CIMIP6: variants seen among roughly 807,000 people sequenced by gnomAD.
The protein encoded by CIMIP6 is ciliary microtubule inner protein 6, also known as uncharacterized protein C2orf73.
chr2:54,347,684 C>A, the CIMIP6 span, among the ~76,000 whole-genome samples: 2 of 151,962 alleles, frequency 1.3e-5, no homozygotes, highest in Admixed American at 1.3e-4. Flanking sequence ...CTTAATTTGC[C>A]CAGAGAGAAA....
the CIMIP6 span, among the ~76,000 whole-genome samples, chr2:54,378,345 G>A: frequency 9.3e-4 from 141 of 152,256 alleles, 1 homozygote; most frequent in African/African-American, 3.2e-3. Flanking sequence ...TGCAGCCTCC[G>A]GAGCTTATCC....
At chr2:54,372,334 C>T in the CIMIP6 span, among the ~76,000 whole-genome samples, 1 of 152,130 alleles carries the variant, frequency 6.6e-6, no homozygotes, top group Non-Finnish European at 1.5e-5. Flanking sequence ...CATCTTCAGT[C>T]GGTTGCTGGC....
the CIMIP6 span, among the ~76,000 whole-genome samples, chr2:54,331,478 C>A: frequency 6.6e-6 from 1 of 152,084 alleles, no homozygotes; most frequent in Non-Finnish European, 1.5e-5. Flanking sequence ...TCGCCGTTCT[C>A]CATCCGACAT....
chr2:54,363,928 G>A, the CIMIP6 span, among the ~76,000 whole-genome samples: 2 of 152,226 alleles, frequency 1.3e-5, no homozygotes, highest in African/African-American at 2.4e-5. Flanking sequence ...TAATTTAGAG[G>A]AGAATGGTCT....
the CIMIP6 span, among the ~76,000 whole-genome samples, chr2:54,344,483 A>G: frequency 2.0e-5 from 3 of 152,194 alleles, no homozygotes; most frequent in African/African-American, 4.8e-5. Flanking sequence ...AGAAGAGACA[A>G]TCTGCCTGGC....
the CIMIP6 span, among the ~76,000 whole-genome samples, chr2:54,377,244 T>C: frequency 6.6e-6 from 1 of 152,102 alleles, no homozygotes; most frequent in Non-Finnish European, 1.5e-5. Flanking sequence ...GTCGTGTAGC[T>C]ACAACTCCCA....
the CIMIP6 span, among the ~76,000 whole-genome samples, chr2:54,356,173 A>G: frequency 6.7e-6 from 1 of 150,110 alleles, no homozygotes; most frequent in African/African-American, 2.4e-5. Flanking sequence ...CATCACTGAG[A>G]TAAGTCAGTA....
the CIMIP6 span, among the ~76,000 whole-genome samples, chr2:54,353,098 A>T: frequency 6.6e-6 from 1 of 152,194 alleles, no homozygotes; most frequent in East Asian, 1.9e-4. Flanking sequence ...TCTTATGTAG[A>T]TCTCCTTGCA....
chr2:54,381,013 C>T, the CIMIP6 span, among the ~76,000 whole-genome samples: 1 of 152,154 alleles, frequency 6.6e-6, no homozygotes, highest in Non-Finnish European at 1.5e-5. Flanking sequence ...GACTGTATTC[C>T]TATTTCTGAG....
chr2:54,361,060 AATC>A, the CIMIP6 span: 4 of 152,390 alleles, frequency 2.6e-5, no homozygotes, highest in East Asian at 7.7e-4. Flanking sequence ...TGGTCAATGT[AATC>A]ATATCATCAC....
the CIMIP6 span, among the ~76,000 whole-genome samples, chr2:54,369,575 G>A: frequency 6.6e-6 from 1 of 152,128 alleles, no homozygotes; most frequent in Non-Finnish European, 1.5e-5. Context: ...ATCTCTTCAC[G>A]AGCCCATGAA....
the CIMIP6 span, among the ~76,000 whole-genome samples, chr2:54,366,043 G>A: frequency 6.6e-6 from 1 of 152,156 alleles, no homozygotes; most frequent in African/African-American, 2.4e-5. Flanking sequence ...ACTACTACTT[G>A]TTTCCCAATA....
chr2:54,360,716 C>A, the CIMIP6 span: 1 of 791,380 alleles, frequency 1.3e-6, no homozygotes, highest in Non-Finnish European at 1.9e-6. Flanking sequence ...TAAAATACAA[C>A]CAAATGTTAT....
At chr2:54,373,645 C>T in the CIMIP6 span, among the ~76,000 whole-genome samples, 1 of 152,168 alleles carries the variant, frequency 6.6e-6, no homozygotes, top group African/African-American at 2.4e-5. Flanking sequence ...AGCCCCAACA[C>T]TTTGCCTCCT....
the CIMIP6 span, among the ~76,000 whole-genome samples, chr2:54,360,010 C>T: frequency 1.3e-5 from 2 of 152,166 alleles, no homozygotes; most frequent in Admixed American, 1.3e-4. Context: ...CTGATGCACC[C>T]TATTTTATAA....
chr2:54,344,238 C>T, the CIMIP6 span, among the ~76,000 whole-genome samples: 3 of 152,174 alleles, frequency 2.0e-5, no homozygotes, highest in African/African-American at 7.2e-5. Context: ...GTAACAATGA[C>T]TTGTCCTTTA....
chr2:54,356,430 C>T, the CIMIP6 span, among the ~76,000 whole-genome samples: 1 of 152,162 alleles, frequency 6.6e-6, no homozygotes, highest in Non-Finnish European at 1.5e-5. Context: ...TAAAAGCTCT[C>T]CCACAACTTA....
the CIMIP6 span, among the ~76,000 whole-genome samples, chr2:54,377,395 C>A: frequency 6.6e-6 from 1 of 152,044 alleles, no homozygotes; most frequent in African/African-American, 2.4e-5. Flanking sequence ...TAGGAAATAA[C>A]TTGTGAATAT....
At chr2:54,345,863 A>G in the CIMIP6 span, among the ~76,000 whole-genome samples, 5 of 152,244 alleles carry the variant, frequency 3.3e-5, no homozygotes, top group Non-Finnish European at 7.3e-5. Context: ...GAAGATTCTA[A>G]AAGTTTCCAT....
Sources: allele counts gnomAD v4.1 joint callset (sites outside exome capture counted in the v4.1 genomes callset), GRCh38; gene constraint gnomAD v4.1.1; transcripts MANE v1.5; gene names NCBI Gene and HGNC (gene_info 2026-07-23, HGNC 2026-07-21).